COL26A1: variants seen among roughly 807,000 people sequenced by gnomAD.
COL26A1 encodes the protein collagen type XXVI alpha 1 chain.
Under a neutral mutation model 59.3 loss-of-function variants are expected in COL26A1, and 41 were observed. The observed-to-expected ratio is 0.69, with a 90% CI of 0.54 to 0.90. The LOEUF is 0.90. COL26A1 is among the 40% of genes least tolerant of loss of function. The pLI is 0.00. For missense variants in COL26A1, 612 were observed against 602.3 expected (o/e 1.02, Z -0.17); for synonymous variants, 266 against 256.0 (o/e 1.04, Z -0.37).
intron 5 of COL26A1, among the ~76,000 whole-genome samples, chr7:101,543,165 A>G (rs745882633): frequency 1.4e-5 from 2 of 140,330 alleles, no homozygotes; most frequent in Non-Finnish European, 3.1e-5. Flanking sequence ...CCTTCATCAG[A>G]TCAGCAAACT....
chr7:101,407,031 C>T (rs1289686800), intron 1 of COL26A1, among the ~76,000 whole-genome samples: 1 of 152,160 alleles, frequency 6.6e-6, no homozygotes, highest in East Asian at 1.9e-4. Flanking sequence ...CTCCAAGCTC[C>T]TCCAGAGCCA....
intron 3 of COL26A1, among the ~76,000 whole-genome samples, chr7:101,467,347 C>G (rs1440636209): frequency 7.6e-6 from 1 of 131,410 alleles, no homozygotes; most frequent in Non-Finnish European, 1.6e-5. Flanking sequence ...GGTTTCATGG[C>G]GAAATGCACA....
intron 1 of COL26A1, among the ~76,000 whole-genome samples, chr7:101,400,854 C>T (rs922348501): frequency 3.9e-5 from 6 of 152,120 alleles, no homozygotes; most frequent in Non-Finnish European, 5.9e-5. Context: ...CCACTGCGCC[C>T]GACCCACACC....
chr7:101,536,493 G>A (rs182223735), intron 4 of COL26A1, among the ~76,000 whole-genome samples: 3 of 152,376 alleles, frequency 2.0e-5, no homozygotes, highest in African/African-American at 7.2e-5. Flanking sequence ...TAGATCAGAG[G>A]CTAGGGGTCA....
At chr7:101,378,925 G>A (rs1174378430) in intron 1 of COL26A1, among the ~76,000 whole-genome samples, 2 of 152,036 alleles carry the variant, frequency 1.3e-5, no homozygotes, top group Non-Finnish European at 1.5e-5. Context: ...GTCTGCGGCT[G>A]TGCGGCCCCT....
At chr7:101,522,715 T>C in intron 3 of COL26A1, among the ~76,000 whole-genome samples, 1 of 152,088 alleles carries the variant, frequency 6.6e-6, no homozygotes, top group East Asian at 1.9e-4. Flanking sequence ...TTCAGCCTTA[T>C]TAGAGACTGC....
intron 3 of COL26A1, among the ~76,000 whole-genome samples, chr7:101,463,645 TCCTTCCATCCTTC>T (rs1793672063): frequency 3.8e-5 from 1 of 26,294 alleles, no homozygotes; most frequent in Non-Finnish European, 6.0e-5. Context: ...CTTCCTTCCA[TCCTTCCATCCTTC>T]CATCCTTCCT....
chr7:101,460,652 G>A (rs1015674204), intron 3 of COL26A1, among the ~76,000 whole-genome samples: 6 of 152,000 alleles, frequency 3.9e-5, no homozygotes, highest in Non-Finnish European at 7.4e-5. Context: ...ATGGTGGCAC[G>A]CATCTGTAAT....
Position 101,363,149 on chromosome 7 carries a change from G to A in COL26A1, c.117G>A (p.Glu39=). The change falls in exon 1 of 13, where the codon GAG becomes GAA. Residue 39 remains glutamate, a synonymous_variant. Coordinates refer to ENST00000313669, the MANE Select transcript of COL26A1 (RefSeq NM_001278563.3). The part of the protein sequence containing the change: ...AAALQQHGYP[E]PGAGSPGSGY... ...CTCTGCAGCAGCACGGCTACCCCGA[G>A]CCCGGCGCCGGCTCCCCTGGCAGCG... 2.8e-6 allele frequency: 4 copies of A among 1,436,782 alleles called. No homozygotes were observed. Among genetic ancestry groups the A allele is most frequent in the Non-Finnish European group, 3.7e-6 (4 of 1,094,586 alleles). 89.0% of individuals were successfully genotyped at this position (1,436,782 alleles called of 1,614,324 possible).
intron 3 of COL26A1, among the ~76,000 whole-genome samples, chr7:101,468,228 GGGAGGT>G (rs1793811022): frequency 6.6e-6 from 1 of 151,658 alleles, no homozygotes. Flanking sequence ...GCTTGAACCC[GGGAGGT>G]GGAGGTGCAG....
chr7:101,380,508 T>A (rs1791421763), intron 1 of COL26A1, among the ~76,000 whole-genome samples: 1 of 152,040 alleles, frequency 6.6e-6, no homozygotes, highest in Non-Finnish European at 1.5e-5. Context: ...GTTGCCCAGG[T>A]TGGTCTTGAA....
chr7:101,507,516 G>A (rs1246878710), intron 3 of COL26A1, among the ~76,000 whole-genome samples: 2 of 147,210 alleles, frequency 1.4e-5, no homozygotes, highest in East Asian at 1.9e-4. Context: ...CCACCTCCCC[G>A]CCTCAGGTGA....
intron 1 of COL26A1, among the ~76,000 whole-genome samples, chr7:101,365,896 G>A (rs1049033034): frequency 2.0e-5 from 3 of 152,126 alleles, no homozygotes; most frequent in Non-Finnish European, 2.9e-5. Context: ...GAGCGGGAGC[G>A]AATGGGGACC....
Position 101,405,975 on chromosome 7 carries a change from G to A in COL26A1, c.159-14002G>A, listed in dbSNP as rs543638486. Among the ~76,000 whole-genome samples, 61 of 152,310 alleles carry A rather than the reference G, an allele frequency of 4.0e-4. 1 individual carries two copies. The highest frequency in any genetic ancestry group is 7.3e-4 in the Non-Finnish European group (50 of 68,028). On this transcript the variant is annotated intron_variant, in intron 1 of 12. Coordinates refer to ENST00000313669, the MANE Select transcript of COL26A1 (RefSeq NM_001278563.3). ...ATAAATGCAGATAACGAGGAGGGAG[G>A]AAGCTGAGAGGCTGGTGGCACGGCC...
chr7:101,511,876 C>T lies in COL26A1; in HGVS notation c.386-21206C>T, dbSNP rs148812756. Among the ~76,000 whole-genome samples the T allele has an allele frequency of 2.8e-3, 425 of 152,146 alleles. 16 individuals carry two copies. The East Asian group carries it at 0.061, about 22-fold the overall frequency. ...GGCATGGTGGTGCACACCTGTAGTC[C>T]CAGCTACTCAGGAGGCTGAGGCGGG... On this transcript the variant is annotated intron_variant, in intron 3 of 12. Coordinates refer to ENST00000313669, the MANE Select transcript of COL26A1 (RefSeq NM_001278563.3).
At chr7:101,415,643 TG>T (rs1792354721) in intron 1 of COL26A1, among the ~76,000 whole-genome samples, 1 of 152,086 alleles carries the variant, frequency 6.6e-6, no homozygotes, top group South Asian at 2.1e-4. Context: ...TGTTTTGTTT[TG>T]TTTTGAGACA....
chr7:101,418,800 G>A (rs1180555569), intron 1 of COL26A1, among the ~76,000 whole-genome samples: 1 of 152,074 alleles, frequency 6.6e-6, no homozygotes, highest in African/African-American at 2.4e-5. Flanking sequence ...ATGGGAGGAG[G>A]AGGTGGGAGC....
At chr7:101,420,839 A>G (rs892559094) in intron 2 of COL26A1, among the ~76,000 whole-genome samples, 2 of 149,478 alleles carry the variant, frequency 1.3e-5, no homozygotes, top group Non-Finnish European at 3.0e-5. Context: ...CAGCATCCGC[A>G]GAGAGATCTT....
At chr7:101,483,659 C>T (rs1314969504) in intron 3 of COL26A1, among the ~76,000 whole-genome samples, 5 of 148,682 alleles carry the variant, frequency 3.4e-5, no homozygotes, top group African/African-American at 1.3e-4. Context: ...AGATGCATGC[C>T]ACCATGTCCA....
Sources: allele counts gnomAD v4.1 joint callset (sites outside exome capture counted in the v4.1 genomes callset), GRCh38; gene constraint gnomAD v4.1.1; transcripts MANE v1.5; gene names NCBI Gene and HGNC (gene_info 2026-07-23, HGNC 2026-07-21).